AOAH: variants seen among roughly 807,000 people sequenced by gnomAD.
The protein encoded by AOAH is acyloxyacyl hydrolase.
In AOAH, 64 loss-of-function variants were observed where a neutral mutation model predicts 92.2. The observed-to-expected ratio is 0.69, with a 90% CI of 0.57 to 0.86. AOAH has a LOEUF of 0.86. Among genes scored for constraint, AOAH ranks in the 40% least tolerant of loss-of-function variants. The pLI is 0.00. For synonymous variants in AOAH, 263 were observed against 254.5 expected, an observed-to-expected ratio of 1.03 and a Z score of -0.32; for missense variants, 656 against 694.6, an observed-to-expected ratio of 0.94 and a Z score of 0.62.
intron 1 of AOAH, among the ~76,000 whole-genome samples, chr7:36,722,935 GAAAAAAAA>G (rs11407908): frequency 4.0e-5 from 2 of 49,462 alleles, no homozygotes; most frequent in African/African-American, 1.6e-4. Context: ...ATCCATCTCA[GAAAAAAAA>G]AAAAAAAAAA....
chr7:36,604,994 T>C (rs1790899190), intron 11 of AOAH, among the ~76,000 whole-genome samples: 1 of 152,264 alleles, frequency 6.6e-6, no homozygotes, highest in Non-Finnish European at 1.5e-5. Context: ...CTGGAATCTT[T>C]GGACTTTGTA....
At chr7:36,685,009 C>T (rs1796910810) in intron 2 of AOAH, among the ~76,000 whole-genome samples, 1 of 148,928 alleles carries the variant, frequency 6.7e-6, no homozygotes, top group African/African-American at 2.5e-5. Context: ...TGGCGGCCTC[C>T]TGATGAAGGA....
At chr7:36,578,855 A>G (rs888315113) in intron 12 of AOAH, among the ~76,000 whole-genome samples, 10 of 152,148 alleles carry the variant, frequency 6.6e-5, no homozygotes, top group African/African-American at 2.2e-4. Flanking sequence ...AGACTGGGTA[A>G]TTTATAAGAA....
chr7:36,715,493 C>A (rs1257816664), intron 1 of AOAH, among the ~76,000 whole-genome samples: 2 of 150,760 alleles, frequency 1.3e-5, no homozygotes, highest in African/African-American at 4.9e-5. Context: ...TCATATGGAA[C>A]CAAAAAAGAG....
intron 1 of AOAH, among the ~76,000 whole-genome samples, chr7:36,701,870 T>C (rs1333900379): frequency 6.6e-6 from 1 of 152,070 alleles, no homozygotes; most frequent in Non-Finnish European, 1.5e-5. Flanking sequence ...ATCTGTTTTG[T>C]GGGAAACAAG....
chr7:36,610,290 C>T (rs901302596), intron 11 of AOAH, among the ~76,000 whole-genome samples: 1 of 150,988 alleles, frequency 6.6e-6, no homozygotes, highest in East Asian at 1.9e-4. Context: ...AAAACAAAGT[C>T]GTAATGAGGA....
At chr7:36,676,192 T>C (rs955199053) in intron 2 of AOAH, among the ~76,000 whole-genome samples, 24 of 152,220 alleles carry the variant, frequency 1.6e-4, no homozygotes, top group Non-Finnish European at 2.9e-4. Flanking sequence ...GTGGCTGATA[T>C]GATCTTCCAT....
At chr7:36,643,884 C>G (rs1020806905) in intron 4 of AOAH, among the ~76,000 whole-genome samples, 1 of 152,184 alleles carries the variant, frequency 6.6e-6, no homozygotes, top group African/African-American at 2.4e-5. Flanking sequence ...CCTTTGCCTT[C>G]TGCCATGATT....
chr7:36,646,132 T>C (rs935472756), intron 4 of AOAH, among the ~76,000 whole-genome samples: 2 of 152,252 alleles, frequency 1.3e-5, no homozygotes, highest in African/African-American at 4.8e-5. Flanking sequence ...CCATAGAGGT[T>C]CTTCTATGCT....
At chr7:36,660,536 C>T (rs1191240648) in intron 3 of AOAH, among the ~76,000 whole-genome samples, 15 of 152,100 alleles carry the variant, frequency 9.9e-5, no homozygotes, top group Admixed American at 7.9e-4. Context: ...AGGCTGGTCT[C>T]GAACTCTTGA....
intron 2 of AOAH, among the ~76,000 whole-genome samples, chr7:36,678,550 A>AGAGTGTGTGTGTGT (rs1796404886): frequency 8.4e-6 from 1 of 118,870 alleles, no homozygotes. Flanking sequence ...TAAGATAAGC[A>AGAGTGTGTGTGTGT]GTGTGTGTGT....
At chr7:36,679,040 G>A (rs1287270477) in intron 2 of AOAH, among the ~76,000 whole-genome samples, 1 of 152,176 alleles carries the variant, frequency 6.6e-6, no homozygotes, top group Non-Finnish European at 1.5e-5. Context: ...AAAAGAAAAT[G>A]TGGCTATTCC....
At chr7:36,553,742 G>A (rs1259138104) in intron 13 of AOAH, among the ~76,000 whole-genome samples, 1 of 152,102 alleles carries the variant, frequency 6.6e-6, no homozygotes, top group Non-Finnish European at 1.5e-5. Flanking sequence ...GGTCAGTGAT[G>A]AGCATTTTTT....
chr7:36,686,922 A>C, intron 1 of AOAH, 128 bp from the exon 2 acceptor site: 1 of 478,568 alleles, frequency 2.1e-6, no homozygotes, highest in Non-Finnish European at 3.6e-6. Context: ...ACCTTTCCAA[A>C]ACAGAGAAAG....
intron 4 of AOAH, among the ~76,000 whole-genome samples, chr7:36,649,782 G>C (rs563386938): frequency 6.6e-6 from 1 of 152,158 alleles, no homozygotes; most frequent in Non-Finnish European, 1.5e-5. Flanking sequence ...GTTTGCCGCC[G>C]TGGCAGACCT....
At chr7:36,699,637 GT>G (rs377319409) in intron 1 of AOAH, among the ~76,000 whole-genome samples, 94,773 of 134,376 alleles carry the variant, frequency 0.71, 32,676 homozygotes, top group East Asian at 0.83. Context: ...TGGATTATTT[GT>G]TTTTTTTTTT....
rs201307393 is a variant in AOAH, at chr7:36,720,338, A to AT, written c.127+3683dup. Among the ~76,000 whole-genome samples the AT allele has an allele frequency of 9.1e-3, 1,323 of 145,686 alleles. 20 individuals carry two copies. The highest frequency in any genetic ancestry group is 0.03 in the African/African-American group (1,176 of 39,326). ...CTAATTTTTGTATATCTATATTTACATTTTTTTTTTTTTTAGTAGAGACAG... is the reference window on the plus strand; with the variant it reads ...CTAATTTTTGTATATCTATATTTACATTTTTTTTTTTTTTTAGTAGAGACAG... On this transcript the variant is annotated intron_variant, in intron 1 of 20. Coordinates refer to ENST00000617537, the MANE Select transcript of AOAH (RefSeq NM_001637.4).
chr7:36,578,455 C>T (rs897253913), intron 12 of AOAH, among the ~76,000 whole-genome samples: 4 of 152,178 alleles, frequency 2.6e-5, no homozygotes, highest in Admixed American at 6.5e-5. Context: ...GGTGGTGAGT[C>T]TCACAGAACC....
intron 20 of AOAH, among the ~76,000 whole-genome samples, chr7:36,519,735 A>T (rs1784015168): frequency 1.3e-5 from 2 of 152,018 alleles, no homozygotes; most frequent in Non-Finnish European, 2.9e-5. Context: ...TGGCCTGAAA[A>T]CATTTTTGAA....
Sources: gnomAD v4.1 joint callset for allele counts (sites outside exome capture counted in the v4.1 genomes callset) on GRCh38, gnomAD v4.1.1 for gene constraint, MANE v1.5 for transcripts, NCBI Gene and HGNC (gene_info 2026-07-23, HGNC 2026-07-21) for gene names.